EPX: variants seen among roughly 807,000 people sequenced by gnomAD.
The protein encoded by EPX is eosinophil peroxidase.
A neutral mutation model predicts 73.0 loss-of-function variants in EPX; 60 were observed. The ratio of observed to expected loss-of-function variants is 0.82; its 90% CI spans 0.67 to 1.02. The LOEUF (loss-of-function observed/expected upper bound fraction) is 1.02, where lower values mean the gene tolerates loss of function less well. Among genes scored for constraint, EPX ranks in the 50% least tolerant of loss-of-function variants. EPX has a pLI of 0.00. For missense variants in EPX, 950 were observed against 973.9 expected (o/e 0.98, Z 0.33); for synonymous variants, 347 against 389.2 (o/e 0.89, Z 1.28).
Position 58,199,151 on chromosome 17 carries a change from G to C in EPX, c.1232G>C (p.Gly411Ala). The change falls in exon 8 of 13, where the codon GGA (glycine) becomes GCA (alanine). Residue 411 changes from glycine to alanine, a missense_variant. Gly to Ala is a moderately conservative substitution (Grantham distance 60, BLOSUM62 0). Coordinates refer to ENST00000225371, the MANE Select transcript of EPX (RefSeq NM_000502.6). The stretch of plus-strand genomic sequence containing the variant: ...AGACGCCTGAATCCCCGGTGGAATG[G>C]AGACAAACTGTACAATGAGGCTCGG... ...ELRRLNPRWN[G>A]DKLYNEARKI... 1 of 1,614,146 alleles carries C rather than the reference G, an allele frequency of 6.2e-7. No individual in the cohort carries two copies.
At chr17:58,201,866 C>G (rs190334240) in intron 10 of EPX, among the ~76,000 whole-genome samples, 131 of 152,250 alleles carry the variant, frequency 8.6e-4, no homozygotes, top group African/African-American at 3.1e-3. Context: ...AGCTGGAGAG[C>G]TGAGATCGCT....
Position 58,203,320 on chromosome 17 carries a change from T to A in EPX, c.1946+2T>A. 6.3e-7 allele frequency: 1 copy of A among 1,595,002 alleles called. No homozygotes were observed. The highest frequency in any genetic ancestry group is 1.3e-5 in the African/African-American group (1 of 74,658). The stretch of plus-strand genomic sequence containing the variant: ...CAGAAGAGCCCGAGACGGAGACAGG[T>A]AAGTGACCCTATCATAAAAGACATC... On this transcript the variant is annotated splice_donor_variant, in intron 11 of 12. Coordinates refer to ENST00000225371, the MANE Select transcript of EPX (RefSeq NM_000502.6). LOFTEE classifies it high-confidence loss of function.
In EPX at chr17:58,194,958, C is replaced by G; in HGVS notation, c.595-6C>G. 1.2e-6 allele frequency: 2 copies of G among 1,612,686 alleles called. No homozygotes were observed. The highest frequency in any genetic ancestry group is 1.7e-6 in the Non-Finnish European group (2 of 1,178,766). On this transcript the variant is annotated splice_region_variant and splice_polypyrimidine_tract_variant and intron_variant, in intron 5 of 12. Coordinates refer to ENST00000225371, the MANE Select transcript of EPX (RefSeq NM_000502.6). ...ATGTCCCGTGCTGATGTTATTTCCC[C>G]ACCAGGTCCGGGCTGTCTCCAACCA...
chr17:58,203,941 A>G (rs1296275660), intron 11 of EPX, among the ~76,000 whole-genome samples: 1 of 130,970 alleles, frequency 7.6e-6, no homozygotes, highest in African/African-American at 3.2e-5. Context: ...CAAAAAAAAA[A>G]AAAAAAAAAA....
Position 58,196,989 on chromosome 17 carries a change from C to T in EPX, c.852C>T (p.Phe284=). ...AGAACCAGCGTGACTGCATCCCTTTCTTCCGCTCGGCACCCTCATGCCCCC... is the reference window on the plus strand; with the variant it reads ...AGAACCAGCGTGACTGCATCCCTTTTTTCCGCTCGGCACCCTCATGCCCCC... The part of the protein sequence containing the change: ...RIKNQRDCIP[F]FRSAPSCPQN... Residue 284 remains phenylalanine, a synonymous_variant, in exon 7 of 13, where the codon TTC becomes TTT. Transcript: ENST00000225371. 1.2e-6 allele frequency: 2 copies of T among 1,614,148 alleles called. No homozygotes were observed. Among genetic ancestry groups the T allele is most frequent in the Non-Finnish European group, 1.7e-6 (2 of 1,180,016 alleles).
chr17:58,204,468 G>C (rs770493871), intron 12 of EPX, 34 bp downstream of exon 12: 15 of 1,383,580 alleles, frequency 1.1e-5, no homozygotes, highest in Non-Finnish European at 1.4e-5. Flanking sequence ...CCCTGGGCTG[G>C]GTTAAGCCCT....
intron 8 of EPX, 61 bp downstream of exon 8, chr17:58,199,261 T>C (rs1968305205): frequency 6.4e-7 from 1 of 1,555,524 alleles, no homozygotes. Flanking sequence ...AAGCAGTCCT[T>C]AACACATCCT....
intron 2 of EPX, 64 bp from the exon 3 acceptor site, chr17:58,193,307 A>G: frequency 6.5e-7 from 1 of 1,539,870 alleles, no homozygotes; most frequent in South Asian, 1.1e-5. Flanking sequence ...GTGCCCCAGG[A>G]CTGGGTCTCT....
intron 3 of EPX, 45 bp from the exon 4 acceptor site, chr17:58,193,669 G>A (rs750378080): frequency 2.6e-6 from 4 of 1,544,478 alleles, no homozygotes; most frequent in Non-Finnish European, 3.6e-6. Context: ...GGGATGGGAG[G>A]TACAGAGCAG....
At chr17:58,202,103 T>C (rs889267469) in intron 10 of EPX, among the ~76,000 whole-genome samples, 3 of 152,216 alleles carry the variant, frequency 2.0e-5, no homozygotes, top group Non-Finnish European at 2.9e-5. Context: ...TAGCATGCCA[T>C]AAAAGCACCT....
In EPX at chr17:58,194,986, T is replaced by C. The variant is rs201189852; in HGVS notation, c.617T>C (p.Ile206Thr). The change falls in exon 6 of 13, where the codon ATT (isoleucine) becomes ACT (threonine). Residue 206 changes from isoleucine (I) to threonine (T), a missense_variant. Transcript: ENST00000225371. ...LPLVRAVSNQIVRFPNERLTS... is the reference protein window; with the variant it reads ...LPLVRAVSNQTVRFPNERLTS... ...CAGGTCCGGGCTGTCTCCAACCAGA[T>C]TGTGCGCTTCCCCAATGAGAGACTG... 6.2e-6 allele frequency: 10 copies of C among 1,614,100 alleles called. No individual in the cohort carries two copies. In the East Asian group the frequency reaches 1.3e-4, roughly 22 times the overall value.
Position 58,195,116 on chromosome 17 carries a change from A to G in EPX, c.747A>G (p.Ala249=), listed in dbSNP as rs1968237991. The stretch of plus-strand genomic sequence containing the variant: ...CCCCGGCCAGAGTGGCCTTCACTGC[A>G]GGCGTTGACTGTGAGAGGACCTGCG... ...PESPARVAFT[A]GVDCERTCAQ... Residue 249 remains alanine, a synonymous_variant, in exon 6 of 13, where the codon GCA becomes GCG. Coordinates refer to ENST00000225371, the MANE Select transcript of EPX (RefSeq NM_000502.6). The G allele has an allele frequency of 1.9e-6, 3 of 1,614,034 alleles. No individual in the cohort carries two copies. The highest frequency in any genetic ancestry group is 2.5e-6 in the Non-Finnish European group (3 of 1,180,020).
intron 1 of EPX, 38 bp from the exon 2 acceptor site, chr17:58,193,000 T>C: frequency 3.8e-6 from 6 of 1,592,980 alleles, no homozygotes; most frequent in Non-Finnish European, 4.3e-6. Context: ...GGGGGTCTTG[T>C]GGCTTGCTGA....
At chr17:58,203,854 C>A (rs563284767) in intron 11 of EPX, among the ~76,000 whole-genome samples, 14 of 135,874 alleles carry the variant, frequency 1.0e-4, no homozygotes, top group African/African-American at 3.9e-4. Context: ...ATGGCGTGAA[C>A]CCGGGAGGCG....
chr17:58,192,753 C>A lies in EPX; in HGVS notation c.-94C>A. The stretch of plus-strand genomic sequence containing the variant: ...AGAGCTGGAGGAAGTGAGAGGTCGG[C>A]TGGGGGTCCTCAAAGTGAGAGGGGA... On this transcript the variant is annotated 5_prime_UTR_variant, in exon 1 of 13. It adds an upstream start codon to the 5' untranslated region. Transcript: ENST00000225371. The A allele has an allele frequency of 9.2e-7, 1 of 1,083,230 alleles. No individual in the cohort carries two copies. Among genetic ancestry groups the A allele is most frequent in the Non-Finnish European group, 1.4e-6 (1 of 723,148 alleles). 67.1% of individuals were successfully genotyped at this position (1,083,230 alleles called of 1,614,324 possible). A position where few individuals can be genotyped will look rare whatever the true frequency, so the allele number is the denominator to read the frequency against.
chr17:58,194,073 A>G lies in EPX; in HGVS notation c.575A>G (p.Asn192Ser), dbSNP rs747112771. ...GGCTGGACCCCCAGCAGGAGGCGCA[A>G]TGGCTTCCTTCTCCCTCTTGTGAGT... ...PFGWTPSRRR[N>S]GFLLPLVRAV... is the part of the protein sequence containing the mutation. Residue 192 changes from asparagine (N) to serine (S), a missense_variant, in exon 5 of 13, where the codon AAT becomes AGT. By Grantham distance (46) the Asn-to-Ser change is conservative. Coordinates refer to ENST00000225371, the MANE Select transcript of EPX (RefSeq NM_000502.6). The G allele has an allele frequency of 2.0e-5, 32 of 1,613,390 alleles. No homozygotes were observed. Among genetic ancestry groups the G allele is most frequent in the Non-Finnish European group, 2.5e-5 (29 of 1,180,006 alleles).
chr17:58,202,787 A>G (rs983050755), intron 10 of EPX: 6 of 442,862 alleles, frequency 1.4e-5, no homozygotes, highest in African/African-American at 9.9e-5. Context: ...AGTCGAGCCC[A>G]GTAATATCAC....
In EPX at chr17:58,203,115, C is replaced by T. The variant is rs1489937131; in HGVS notation, c.1743C>T (p.Ser581=). Residue 581 remains serine (S), a synonymous_variant, in exon 11 of 13, where the codon TCC becomes TCT. Coordinates refer to ENST00000225371, the MANE Select transcript of EPX (RefSeq NM_000502.6). ...YNAWRRFCGL[S]QPRNLAQLSR... ...CTTGGAGGCGCTTCTGTGGGCTCTCCCAGCCCCGGAATTTGGCACAGCTTA... is the reference window on the plus strand; with the variant it reads ...CTTGGAGGCGCTTCTGTGGGCTCTCTCAGCCCCGGAATTTGGCACAGCTTA... 1 of 1,614,098 alleles carries T rather than the reference C, an allele frequency of 6.2e-7. No homozygotes were observed.
At chr17:58,194,903 GC>G in intron 5 of EPX, 60 bp from the exon 6 acceptor site, 1 of 1,292,664 alleles carries the variant, frequency 7.7e-7, no homozygotes, top group Non-Finnish European at 1.1e-6. Flanking sequence ...TCCTGGGTTG[GC>G]TCTAATACCT....
Sources: allele counts gnomAD v4.1 joint callset (sites outside exome capture counted in the v4.1 genomes callset), GRCh38; gene constraint gnomAD v4.1.1; transcripts MANE v1.5; gene names NCBI Gene and HGNC (gene_info 2026-07-23, HGNC 2026-07-21).